CSMD1: variants seen among roughly 807,000 people sequenced by gnomAD.
CSMD1 encodes CUB and Sushi multiple domains 1.
Under a neutral mutation model 417.5 loss-of-function variants are expected in CSMD1, and 213 were observed. The ratio of observed to expected loss-of-function variants is 0.51; its 90% confidence interval spans 0.46 to 0.57. The LOEUF (loss-of-function observed/expected upper bound fraction) is 0.57, where lower values mean the gene tolerates loss of function less well. Ranked by LOEUF, CSMD1 falls within the 20% of genes least tolerant of loss-of-function variation. The pLI, the probability that CSMD1 is intolerant of heterozygous loss-of-function variation, is 0.00. For missense variants in CSMD1, 6,923 were observed against 4,529.7 expected (o/e 1.53, Z -15.17); for synonymous variants, 2,862 against 1,736.8 (o/e 1.65, Z -16.11).
chr8:3,100,187 G>A (rs1432071691), intron 46 of CSMD1, among the ~76,000 whole-genome samples: 1 of 152,046 alleles, frequency 6.6e-6, no homozygotes, highest in Non-Finnish European at 1.5e-5. Flanking sequence ...GAGTAGCTGG[G>A]ACTACAGGCG....
intron 1 of CSMD1, among the ~76,000 whole-genome samples, chr8:4,851,562 C>G (rs916408572): frequency 6.6e-6 from 1 of 152,040 alleles, no homozygotes; most frequent in East Asian, 1.9e-4. Context: ...GGTTCAGAAC[C>G]TATGACCTGT....
At chr8:4,489,368 A>G (rs891185315) in intron 2 of CSMD1, among the ~76,000 whole-genome samples, 8 of 152,216 alleles carry the variant, frequency 5.3e-5, no homozygotes, top group African/African-American at 1.9e-4. Flanking sequence ...ACACACATCC[A>G]TGTATATTTC....
intron 2 of CSMD1, among the ~76,000 whole-genome samples, chr8:4,570,072 C>G (rs2407628): frequency 6.6e-6 from 1 of 151,954 alleles, no homozygotes; most frequent in Non-Finnish European, 1.5e-5. Flanking sequence ...TATACAATCA[C>G]GTCGTCTGCA....
chr8:3,496,014 A>T (rs1283031941), intron 10 of CSMD1, among the ~76,000 whole-genome samples: 1 of 152,146 alleles, frequency 6.6e-6, no homozygotes, highest in African/African-American at 2.4e-5. Context: ...TCACCTAGGT[A>T]TTAAGCCCAG....
At chr8:3,567,666 C>T (rs530530930) in intron 10 of CSMD1, among the ~76,000 whole-genome samples, 8 of 151,964 alleles carry the variant, frequency 5.3e-5, no homozygotes, top group Non-Finnish European at 1.0e-4. Flanking sequence ...CGACAATATT[C>T]CCAAGCAATG....
chr8:3,314,195 C>T (rs950814193), intron 23 of CSMD1, among the ~76,000 whole-genome samples: 4 of 142,008 alleles, frequency 2.8e-5, no homozygotes, highest in African/African-American at 1.0e-4. Flanking sequence ...GGGTGCAGCA[C>T]ACCAACATGG....
At chr8:2,999,154 CTT>C (rs33927768) in intron 53 of CSMD1, among the ~76,000 whole-genome samples, 10,005 of 116,346 alleles carry the variant, frequency 0.086, 1,058 homozygotes, top group African/African-American at 0.29. Context: ...TTTTTTTTCC[CTT>C]TTTTTTTTTT....
chr8:3,329,258 G>A (rs1806735916), intron 23 of CSMD1, among the ~76,000 whole-genome samples: 1 of 152,092 alleles, frequency 6.6e-6, no homozygotes, highest in Non-Finnish European at 1.5e-5. Flanking sequence ...CAGCAAAAGT[G>A]AACCCTATAA....
intron 5 of CSMD1, among the ~76,000 whole-genome samples, chr8:3,817,349 T>C (rs1259038166): frequency 1.5e-5 from 2 of 135,556 alleles, no homozygotes; most frequent in East Asian, 5.0e-4. Flanking sequence ...GGCGGGATCT[T>C]GGCTCACTGC....
rs550215211 is a variant in CSMD1 at position 4,801,380 on chromosome 8, T to A, written c.86-163822A>T. Among the ~76,000 whole-genome samples, 5 of 152,156 alleles carry A rather than the reference T, an allele frequency of 3.3e-5. No homozygotes were observed. In the East Asian group the frequency reaches 9.7e-4, roughly 29 times the overall value. On this transcript the variant is annotated intron_variant, in intron 1 of 69. Transcript: ENST00000635120. Reference sequence around the variant, plus strand: ...TGCCAGAACCCAGTACTGAGCAGATTCAAAGTGAGAGACACCCTCTCCCCG... The same window carrying A: ...TGCCAGAACCCAGTACTGAGCAGATACAAAGTGAGAGACACCCTCTCCCCG...
intron 2 of CSMD1, among the ~76,000 whole-genome samples, chr8:4,466,718 G>A (rs564264958): frequency 1.0e-3 from 154 of 152,114 alleles, no homozygotes; most frequent in Non-Finnish European, 2.1e-3. Flanking sequence ...TTTTAAAATG[G>A]TGTACAACAA....
At chr8:4,766,932 T>A (rs1374931074) in intron 1 of CSMD1, among the ~76,000 whole-genome samples, 2 of 152,196 alleles carry the variant, frequency 1.3e-5, no homozygotes, top group South Asian at 2.1e-4. Context: ...TAAAAATATG[T>A]ACAGAGACAC....
chr8:3,109,061 T>G (rs1816335784), intron 43 of CSMD1, among the ~76,000 whole-genome samples: 1 of 152,096 alleles, frequency 6.6e-6, no homozygotes, highest in Non-Finnish European at 1.5e-5. Flanking sequence ...GGTCAGGAGT[T>G]TGAGACCAGC....
At chr8:4,667,725 T>C (rs1010312768) in intron 1 of CSMD1, among the ~76,000 whole-genome samples, 9 of 152,244 alleles carry the variant, frequency 5.9e-5, no homozygotes, top group Admixed American at 3.9e-4. Context: ...CACATGGCAT[T>C]ATTAAACTCT....
chr8:3,478,106 C>T (rs765804468), intron 11 of CSMD1, among the ~76,000 whole-genome samples: 15 of 152,200 alleles, frequency 9.9e-5, no homozygotes, highest in Non-Finnish European at 1.9e-4. Flanking sequence ...TTGACTCATG[C>T]ACACGCCTCA....
intron 5 of CSMD1, among the ~76,000 whole-genome samples, chr8:3,966,490 T>C (rs1812684900): frequency 6.6e-6 from 1 of 152,184 alleles, no homozygotes; most frequent in Admixed American, 6.5e-5. Flanking sequence ...ATTTATTTAT[T>C]GGGAGAAACA....
intron 3 of CSMD1, among the ~76,000 whole-genome samples, chr8:4,116,094 G>A (rs906282045): frequency 6.6e-6 from 1 of 151,828 alleles, no homozygotes; most frequent in East Asian, 1.9e-4. Flanking sequence ...CGCCTCCTGG[G>A]TTCAAGCGAT....
intron 2 of CSMD1, among the ~76,000 whole-genome samples, chr8:4,515,190 A>G (rs1349587156): frequency 6.6e-6 from 1 of 152,180 alleles, no homozygotes; most frequent in Non-Finnish European, 1.5e-5. Context: ...ACTTCTCTTC[A>G]TTAAGTAGTT....
intron 4 of CSMD1, among the ~76,000 whole-genome samples, chr8:4,005,668 T>A (rs562561608): frequency 2.6e-5 from 4 of 152,360 alleles, no homozygotes; most frequent in African/African-American, 7.2e-5. Context: ...TATTTGGTGC[T>A]TTCTTCCCAC....
Sources: gnomAD v4.1 joint callset for allele counts (sites outside exome capture counted in the v4.1 genomes callset) on GRCh38, gnomAD v4.1.1 for gene constraint, MANE v1.5 for transcripts, NCBI Gene and HGNC (gene_info 2026-07-23, HGNC 2026-07-21) for gene names.